The following CDH18 variants were observed in gnomAD, a reference collection of about 807,000 sequenced individuals.
CDH18 encodes cadherin-18.
CDH18 carries 31 observed loss-of-function variants against 67.9 expected under a neutral mutation model. The ratio of observed to expected loss-of-function variants is 0.46; its 90% CI spans 0.34 to 0.62. The LOEUF (loss-of-function observed/expected upper bound fraction) is 0.62, where lower values mean the gene tolerates loss of function less well. Among genes scored for constraint, CDH18 ranks in the 20% least tolerant of loss-of-function variants. The probability of loss-of-function intolerance (pLI) is 0.01; values close to 1 mark genes in which losing one functional copy is unlikely to be tolerated. For missense variants in CDH18, 890 were observed against 975.5 expected (o/e 0.91, Z 1.17); for synonymous variants, 362 against 347.2 (o/e 1.04, Z -0.48).
chr5:19,623,790 C>A (rs1751072077), intron 5 of CDH18, among the ~76,000 whole-genome samples: 2 of 151,252 alleles, frequency 1.3e-5, no homozygotes, highest in Admixed American at 1.3e-4. Context: ...TAAGTATATA[C>A]ATATATCAAT....
rs567046298 is a variant in CDH18, at chr5:19,566,186, C to G, written c.1253+5393G>C. Among the ~76,000 whole-genome samples, 9 of 152,200 alleles carry G rather than the reference C, an allele frequency of 5.9e-5. No homozygotes were observed. In the South Asian group the frequency reaches 1.0e-3, roughly 18 times the overall value. On this transcript the variant is annotated intron_variant, in intron 8 of 12. Transcript: ENST00000382275. Reference sequence around the variant, plus strand: ...AACTACAATGAGAAATCATCTCACCCCAGTTAAAATGGCTTATATCAAAAT... The same window carrying G: ...AACTACAATGAGAAATCATCTCACCGCAGTTAAAATGGCTTATATCAAAAT...
At chr5:19,774,741 T>C (rs1426802433) in intron 3 of CDH18, among the ~76,000 whole-genome samples, 1 of 130,294 alleles carries the variant, frequency 7.7e-6, no homozygotes, top group Non-Finnish European at 1.6e-5. Context: ...AGAATTGAAG[T>C]GGAGTTGCAG....
chr5:20,305,611 T>A, intron 1 of CDH18: 3 of 425,012 alleles, frequency 7.1e-6, no homozygotes, highest in Non-Finnish European at 1.3e-5. Context: ...GACTTGGTGC[T>A]CGGCAAACCC....
rs3039357 is a variant in CDH18, at chr5:20,534,829, G to GTATTTATTTATTTATTTATT, written c.-580+40613_-580+40632dup. On this transcript the variant is annotated intron_variant, in intron 1 of 14. Transcript: ENST00000507958. ...CTCTGTTAGTTTATTCTAAATACAT[G>GTATTTATTTATTTATTTATT]TATTTATTTATTTATTTATTTATTT... 8.2e-4 allele frequency among the ~76,000 whole-genome samples: 121 copies of GTATTTATTTATTTATTTATT among 148,106 alleles called. 2 individuals are homozygous for GTATTTATTTATTTATTTATT. Among genetic ancestry groups the GTATTTATTTATTTATTTATT allele is most frequent in the African/African-American group, 2.8e-3 (112 of 40,452 alleles).
chr5:19,546,986 T>A (rs1736441671), intron 8 of CDH18, among the ~76,000 whole-genome samples: 1 of 151,974 alleles, frequency 6.6e-6, no homozygotes, highest in Non-Finnish European at 1.5e-5. Context: ...CTAAAGTAAA[T>A]CTTATTCTGA....
intron 2 of CDH18, among the ~76,000 whole-genome samples, chr5:20,157,309 T>C (rs1213814400): frequency 6.6e-6 from 1 of 152,200 alleles, no homozygotes; most frequent in East Asian, 1.9e-4. Context: ...GAGAATGAAA[T>C]CTTTGCCTTG....
At chr5:19,902,600 C>A (rs1790060800) in intron 2 of CDH18, among the ~76,000 whole-genome samples, 1 of 151,616 alleles carries the variant, frequency 6.6e-6, no homozygotes, top group Non-Finnish European at 1.5e-5. Flanking sequence ...CAACGGCAAT[C>A]TTGTGCGAGA....
chr5:19,546,861 G>A (rs562759871), intron 8 of CDH18, among the ~76,000 whole-genome samples: 53 of 151,922 alleles, frequency 3.5e-4, no homozygotes, highest in Non-Finnish European at 6.5e-4. Context: ...CACTTGGAAC[G>A]GTGTGATCAA....
rs1288582122 is a variant in CDH18, at chr5:19,904,369, TGGAGAGGGGAG to T, written c.-256-65138_-256-65128del. ...GAGGGAGGGAGGGGAAGGGAAGGGG[TGGAGAGGGGAG>T]GGGGAGGGGAGGGAAGAGAAGGGAA... On this transcript the variant is annotated intron_variant, in intron 2 of 12. Transcript: ENST00000382275. Among the ~76,000 whole-genome samples, 8 of 25,046 alleles carry T rather than the reference TGGAGAGGGGAG, an allele frequency of 3.2e-4. No individual in the cohort carries two copies. The Admixed American group carries it at 3.2e-3, about 10-fold the overall frequency. The allele number at this position is 25,046 out of a possible 152,430, so 16.4% of individuals were successfully genotyped here. A position where few individuals can be genotyped will look rare whatever the true frequency, so the allele number is the denominator to read the frequency against.
intron 1 of CDH18, among the ~76,000 whole-genome samples, chr5:20,423,126 T>G (rs1223294145): frequency 6.6e-6 from 1 of 151,320 alleles, no homozygotes; most frequent in Non-Finnish European, 1.5e-5. Context: ...AATGGACGTC[T>G]GTGCACTGCG....
intron 1 of CDH18, among the ~76,000 whole-genome samples, chr5:20,300,303 C>CGT (rs67689740): frequency 0.036 from 5,281 of 148,404 alleles, 177 homozygotes; most frequent in African/African-American, 0.082. Flanking sequence ...TGTGTGTGTG[C>CGT]GTGTGTGTGT....
chr5:19,637,136 TTC>T (rs1045964420), intron 5 of CDH18, among the ~76,000 whole-genome samples: 16 of 150,782 alleles, frequency 1.1e-4, no homozygotes, highest in African/African-American at 3.7e-4. Context: ...TTCTTTCTCT[TTC>T]TTTCTTTCTT....
At chr5:20,453,673 GAAGA>G (rs963339720) in intron 1 of CDH18, among the ~76,000 whole-genome samples, 1 of 151,726 alleles carries the variant, frequency 6.6e-6, no homozygotes, top group South Asian at 2.1e-4. Context: ...TCACTGTGAG[GAAGA>G]AAGAAATGTT....
intron 2 of CDH18, among the ~76,000 whole-genome samples, chr5:20,233,414 A>G (rs771788462): frequency 1.3e-5 from 2 of 151,852 alleles, no homozygotes; most frequent in Non-Finnish European, 2.9e-5. Context: ...TTACTCTGTC[A>G]TATATAATGA....
At chr5:19,557,546 A>C in intron 8 of CDH18, among the ~76,000 whole-genome samples, 1 of 152,114 alleles carries the variant, frequency 6.6e-6, no homozygotes, top group East Asian at 1.9e-4. Context: ...GAGGGACTTT[A>C]TGTAATGATA....
chr5:20,079,069 G>A (rs1429393619), intron 2 of CDH18, among the ~76,000 whole-genome samples: 4 of 152,106 alleles, frequency 2.6e-5, no homozygotes, highest in Non-Finnish European at 5.9e-5. Flanking sequence ...TGAGCTCTTT[G>A]TAATGATGAT....
intron 2 of CDH18, among the ~76,000 whole-genome samples, chr5:20,092,145 G>T (rs1306462157): frequency 6.6e-6 from 1 of 152,180 alleles, no homozygotes; most frequent in South Asian, 2.1e-4. Flanking sequence ...TCAACCGGGG[G>T]CTTGACAAAG....
intron 2 of CDH18, among the ~76,000 whole-genome samples, chr5:19,996,039 CTT>C (rs1277265215): frequency 2.0e-5 from 3 of 152,054 alleles, no homozygotes; most frequent in African/African-American, 7.2e-5. Flanking sequence ...ATTTTAATGA[CTT>C]TTGTTCACAA....
At chr5:20,077,416 C>T (rs1192630419) in intron 2 of CDH18, among the ~76,000 whole-genome samples, 1 of 152,174 alleles carries the variant, frequency 6.6e-6, no homozygotes, top group Non-Finnish European at 1.5e-5. Flanking sequence ...AAATGCAGAG[C>T]TTAGGAGAAT....
Sources: gnomAD v4.1 joint callset for allele counts (sites outside exome capture counted in the v4.1 genomes callset) on GRCh38, gnomAD v4.1.1 for gene constraint, MANE v1.5 for transcripts, NCBI Gene and HGNC (gene_info 2026-07-23, HGNC 2026-07-21) for gene names.